CALCR: variants seen among roughly 807,000 people sequenced by gnomAD.
The protein encoded by CALCR is calcitonin receptor.
Under a neutral mutation model 59.5 loss-of-function variants are expected in CALCR, and 47 were observed. The observed-to-expected ratio is 0.79, with a 90% CI of 0.63 to 1.01. The LOEUF (loss-of-function observed/expected upper bound fraction) is 1.01. Among genes scored for constraint, CALCR ranks in the 50% least tolerant of loss-of-function variants. The pLI is 0.00. For synonymous variants in CALCR, 213 were observed against 211.3 expected, an observed-to-expected ratio of 1.01 and a Z score of -0.07; for missense variants, 566 against 597.1, an observed-to-expected ratio of 0.95 and a Z score of 0.54.
intron 3 of CALCR, among the ~76,000 whole-genome samples, chr7:93,480,258 C>G (rs1800764618): frequency 6.6e-6 from 1 of 151,890 alleles, no homozygotes; most frequent in Non-Finnish European, 1.5e-5. Context: ...AAAGATCACT[C>G]TGTCACACTG....
At chr7:93,463,670 T>C (rs1004074073) in intron 7 of CALCR, among the ~76,000 whole-genome samples, 2 of 152,016 alleles carry the variant, frequency 1.3e-5, no homozygotes, top group African/African-American at 4.8e-5. Flanking sequence ...TTAATTTTAC[T>C]GTGATAATTG....
intron 2 of CALCR, among the ~76,000 whole-genome samples, chr7:93,521,568 A>G (rs939666770): frequency 6.6e-6 from 1 of 152,260 alleles, no homozygotes; most frequent in South Asian, 2.1e-4. Flanking sequence ...TTACAGAGCT[A>G]TAAGATCCCT....
At chr7:93,462,128 T>A in intron 7 of CALCR, 1 of 1,406,030 alleles carries the variant, frequency 7.1e-7, no homozygotes, top group East Asian at 2.5e-5. Context: ...AAAAAGCAAT[T>A]TAAGTAATAA....
intron 11 of CALCR, among the ~76,000 whole-genome samples, chr7:93,437,009 CTTG>C (rs71929564): frequency 0.12 from 17,046 of 142,788 alleles, 1,421 homozygotes; most frequent in East Asian, 0.48. Flanking sequence ...AATGATTCAC[CTTG>C]TTAATTGTTG....
intron 2 of CALCR, among the ~76,000 whole-genome samples, chr7:93,509,088 A>G (rs957933102): frequency 1.6e-4 from 25 of 152,172 alleles, no homozygotes; most frequent in African/African-American, 5.8e-4. Context: ...GAATTTGAGT[A>G]GAGCAAGACA....
At chr7:93,545,961 T>C (rs1237276144) in intron 2 of CALCR, among the ~76,000 whole-genome samples, 1 of 152,060 alleles carries the variant, frequency 6.6e-6, no homozygotes, top group Non-Finnish European at 1.5e-5. Flanking sequence ...TACACATATA[T>C]ATTTGAGTAC....
intron 2 of CALCR, among the ~76,000 whole-genome samples, chr7:93,528,484 G>A (rs1322830020): frequency 6.6e-6 from 1 of 152,008 alleles, no homozygotes; most frequent in East Asian, 1.9e-4. Flanking sequence ...GTGTCCAAGT[G>A]TTCTCATTGT....
At chr7:93,465,516 T>G (rs1395531360) in intron 7 of CALCR, among the ~76,000 whole-genome samples, 1 of 151,982 alleles carries the variant, frequency 6.6e-6, no homozygotes, top group Non-Finnish European at 1.5e-5. Context: ...CTTCTATCTT[T>G]AACTGGTGTA....
chr7:93,432,412 C>T (rs1186021550), intron 13 of CALCR, among the ~76,000 whole-genome samples: 1 of 152,128 alleles, frequency 6.6e-6, no homozygotes, highest in Admixed American at 6.5e-5. Flanking sequence ...CGCAGAATGA[C>T]CAGCTGAGAC....
At chr7:93,469,134 A>T (rs1360573138) in intron 6 of CALCR, among the ~76,000 whole-genome samples, 1 of 151,820 alleles carries the variant, frequency 6.6e-6, no homozygotes, top group Non-Finnish European at 1.5e-5. Context: ...AACTTCTGGA[A>T]TCTTTTAGAC....
intron 2 of CALCR, among the ~76,000 whole-genome samples, chr7:93,493,546 A>G (rs1228244984): frequency 6.6e-6 from 1 of 151,402 alleles, no homozygotes; most frequent in African/African-American, 2.4e-5. Context: ...AACAGCCTCT[A>G]GACCAGTTTC....
rs1425240171 is a variant in CALCR, at chr7:93,438,124, C to A, written c.866G>T (p.Cys289Phe). The change falls in exon 11 of 14, where the codon TGC becomes TTC. Residue 289 changes from cysteine (C) to phenylalanine (F), a missense_variant and splice_region_variant. By Grantham distance (205) the Cys-to-Phe change is radical. Coordinates refer to ENST00000426151, the MANE Select transcript of CALCR (RefSeq NM_001742.4). ...CAAATGGGTTTCCACACTCAGCCAG[C>A]AGCTGAAAAAGGGCAAGGGGACAAT... ...ITRAVYFNDNCWLSVETHLLY... is the reference protein window; with the variant it reads ...ITRAVYFNDNFWLSVETHLLY... 1.2e-6 allele frequency: 2 copies of A among 1,613,788 alleles called. No homozygotes were observed. Among genetic ancestry groups the A allele is most frequent in the South Asian group, 2.2e-5 (2 of 91,074 alleles).
intron 2 of CALCR, among the ~76,000 whole-genome samples, chr7:93,541,010 T>G (rs1051524415): frequency 6.6e-6 from 1 of 152,094 alleles, no homozygotes; most frequent in Admixed American, 6.6e-5. Context: ...GAACTCACTA[T>G]AGCCTTACAA....
chr7:93,474,340 A>G (rs574945805), intron 5 of CALCR, among the ~76,000 whole-genome samples: 4 of 151,752 alleles, frequency 2.6e-5, no homozygotes, highest in African/African-American at 9.6e-5. Context: ...ATAAAATTAG[A>G]ATTTGGCTGG....
intron 7 of CALCR, among the ~76,000 whole-genome samples, chr7:93,462,512 A>G (rs1347802361): frequency 1.3e-5 from 2 of 152,158 alleles, no homozygotes; most frequent in African/African-American, 4.8e-5. Flanking sequence ...TGCTGCAATC[A>G]GCACAGTTGA....
At chr7:93,434,365 T>C (rs1298944621) in intron 12 of CALCR, 71 bp from the exon 13 acceptor site, 1 of 1,015,188 alleles carries the variant, frequency 9.9e-7, no homozygotes, top group African/African-American at 1.7e-5. Flanking sequence ...AACAATATAA[T>C]AGACTGCCCA....
At chr7:93,572,377 G>T (rs1790026059) in intron 2 of CALCR, among the ~76,000 whole-genome samples, 1 of 152,060 alleles carries the variant, frequency 6.6e-6, no homozygotes, top group African/African-American at 2.4e-5. Flanking sequence ...ATCACCTAAA[G>T]AAATACATCA....
intron 8 of CALCR, among the ~76,000 whole-genome samples, chr7:93,458,255 G>A (rs559881677): frequency 6.6e-6 from 1 of 152,102 alleles, no homozygotes; most frequent in Non-Finnish European, 1.5e-5. Context: ...AAATTAAGCT[G>A]CTTTCCCACG....
At chr7:93,524,239 A>T (rs952247386) in intron 2 of CALCR, among the ~76,000 whole-genome samples, 8 of 146,212 alleles carry the variant, frequency 5.5e-5, no homozygotes, top group African/African-American at 2.0e-4. Context: ...GCATGATCTC[A>T]GCTCACTGCA....
Sources: gnomAD v4.1 joint callset for allele counts (sites outside exome capture counted in the v4.1 genomes callset) on GRCh38, gnomAD v4.1.1 for gene constraint, MANE v1.5 for transcripts, NCBI Gene and HGNC (gene_info 2026-07-23, HGNC 2026-07-21) for gene names.